Variants in VILL observed in about 807,000 individuals in gnomAD.
The protein encoded by VILL is villin-like protein.
A neutral mutation model predicts 106.3 loss-of-function variants in VILL; 102 were observed. The ratio of observed to expected loss-of-function variants is 0.96; its 90% confidence interval spans 0.82 to 1.13. The LOEUF (loss-of-function observed/expected upper bound fraction) is 1.13. Among genes scored for constraint, VILL ranks in the 50% most tolerant of loss-of-function variants. VILL has a pLI of 0.00. For missense variants in VILL, 1,076 were observed against 1,116.6 expected, an observed-to-expected ratio of 0.96 and a Z score of 0.52; for synonymous variants, 431 against 440.3, an observed-to-expected ratio of 0.98 and a Z score of 0.27.
rs1187763932 is a variant in VILL, at chr3:38,006,719, C to A, written c.2457+19C>A. On this transcript the variant is annotated intron_variant, in intron 19 of 19. Coordinates refer to ENST00000383759, the MANE Select transcript of VILL (RefSeq NM_015873.4). ...CAGGGAGGTGGGCACCCCCTCACTG[C>A]CCCAGCACTAGTGCATCTGACACTG... 6.3e-7 allele frequency: 1 copy of A among 1,589,106 alleles called. No individual in the cohort carries two copies. Among genetic ancestry groups the A allele is most frequent in the Non-Finnish European group, 8.6e-7 (1 of 1,165,778 alleles).
Position 38,003,739 on chromosome 3 carries a change from G to T in VILL, c.1805+426G>T, listed in dbSNP as rs149386516. On this transcript the variant is annotated intron_variant, in intron 15 of 19. Coordinates refer to ENST00000383759, the MANE Select transcript of VILL (RefSeq NM_015873.4). The stretch of plus-strand genomic sequence containing the variant: ...GTTGTGTGTGGTGTGTAAGTGGACA[G>T]GGTGTGTGTAGGAGGTAGGAGTGAG... The T allele has an allele frequency of 2.9e-3, 611 of 211,316 alleles. 4 individuals carry two copies. The highest frequency in any genetic ancestry group is 0.013 in the African/African-American group (584 of 43,710). 13.1% of individuals were successfully genotyped at this position (211,316 alleles called of 1,614,324 possible).
chr3:38,001,666 C>G, intron 12 of VILL, 36 bp from the exon 13 acceptor site: 1 of 1,613,500 alleles, frequency 6.2e-7, no homozygotes, highest in Non-Finnish European at 8.5e-7. Flanking sequence ...AATGTGAGAG[C>G]TGGGCCAGGC....
At chr3:38,004,758 A>G (rs1326929394) in intron 16 of VILL, among the ~76,000 whole-genome samples, 1 of 152,192 alleles carries the variant, frequency 6.6e-6, no homozygotes, top group African/African-American at 2.4e-5. Context: ...GGAATGCCCA[A>G]TCGCATCATT....
chr3:38,003,928 C>G (rs1014359551), intron 15 of VILL: 3 of 260,334 alleles, frequency 1.2e-5, no homozygotes, highest in Non-Finnish European at 2.2e-5. Flanking sequence ...CTACTCTCTG[C>G]CAGGGGTGGG....
Position 37,999,050 on chromosome 3 carries a change from G to C in VILL, c.1081G>C (p.Asp361His). 1 of 1,550,598 alleles carries C rather than the reference G, an allele frequency of 6.4e-7. No individual in the cohort carries two copies. The highest frequency in any genetic ancestry group is 2.4e-5 in the East Asian group (1 of 41,486). Residue 361 changes from aspartate (D) to histidine (H), a missense_variant and splice_region_variant, in exon 10 of 20, where the codon GAT becomes CAT. Coordinates refer to ENST00000383759, the MANE Select transcript of VILL (RefSeq NM_015873.4). ...CAGGAACCAGAAGCTCGGCGGGAGG[G>C]GTGAGCGGGCGGGGCGGGGCTGACG... Reference protein sequence around the residue: ...RRRNQKLGGRDKSIHVKLDVG... With the variant: ...RRRNQKLGGRHKSIHVKLDVG...
intron 5 of VILL, 93 bp from the exon 6 acceptor site, chr3:37,996,984 A>G (rs1407043785): frequency 5.4e-6 from 6 of 1,105,430 alleles, no homozygotes; most frequent in African/African-American, 3.1e-5. Flanking sequence ...CAGTTTGCAT[A>G]CAGCTTCATG....
Position 37,999,980 on chromosome 3 carries a change from G to A in VILL, c.1182+541G>A, listed in dbSNP as rs147533274. ...GTCTCAGCCCAGTGTCCTGCGAGAC[G>A]CAGGGGTTGAGGGCTACTTCCAGGC... On this transcript the variant is annotated intron_variant, in intron 11 of 19. Coordinates refer to ENST00000383759, the MANE Select transcript of VILL (RefSeq NM_015873.4). 2.3e-3 allele frequency among the ~76,000 whole-genome samples: 349 copies of A among 152,366 alleles called. 1 individual carries two copies. Among genetic ancestry groups the A allele is most frequent in the African/African-American group, 7.5e-3 (312 of 41,592 alleles).
chr3:37,999,250 C>G lies in VILL; in HGVS notation c.1082-89C>G, dbSNP rs974659426. 1.0e-5 allele frequency: 11 copies of G among 1,089,606 alleles called. No individual in the cohort carries two copies. The African/African-American group carries it at 2.1e-4, about 21-fold the overall frequency. 67.5% of individuals were successfully genotyped at this position (1,089,606 alleles called of 1,614,324 possible). ...CGGAGGACGCGGCGGGACCTGGAAT[C>G]TTGGAGGGATGGTTGAGGAGTGGGC... On this transcript the variant is annotated intron_variant, in intron 10 of 19. Transcript: ENST00000383759.
intron 11 of VILL, chr3:38,000,961 G>T: frequency 2.2e-6 from 1 of 457,344 alleles, no homozygotes; most frequent in South Asian, 1.5e-5. Flanking sequence ...CTGGCTCCAG[G>T]CTCTGCCACC....
Position 37,998,844 on chromosome 3 carries a change from G to A in VILL, c.943-68G>A. On this transcript the variant is annotated intron_variant, in intron 9 of 19. Transcript: ENST00000383759. This position sits in a 1 kb window ranked among gnomAD's most constrained non-coding sequence, Gnocchi z 4.1. Reference sequence around the variant, plus strand: ...GAGCTCGGCTGTCCCAGAGCGGTAGGTCCCCAGGAGCGGCAGTGGGGCAGT... The same window carrying A: ...GAGCTCGGCTGTCCCAGAGCGGTAGATCCCCAGGAGCGGCAGTGGGGCAGT... The A allele has an allele frequency of 6.5e-7, 1 of 1,539,682 alleles. No individual in the cohort carries two copies. Among genetic ancestry groups the A allele is most frequent in the East Asian group, 2.4e-5 (1 of 41,684 alleles).
rs989285585 is a variant in VILL at position 38,007,108 on chromosome 3, G to A, written c.*53G>A. The A allele has an allele frequency of 6.9e-7, 1 of 1,458,990 alleles. No individual in the cohort carries two copies. Among genetic ancestry groups the A allele is most frequent in the Non-Finnish European group, 9.6e-7 (1 of 1,045,760 alleles). The allele number at this position is 1,458,990 out of a possible 1,614,324, so 90.4% of individuals were successfully genotyped here. The stretch of plus-strand genomic sequence containing the variant: ...CCCTGGACCCCAACATACCTACAAT[G>A]CTGGGGAGGCCCTGCTTCCACTCCC... On this transcript the variant is annotated 3_prime_UTR_variant, in exon 20 of 20. Coordinates refer to ENST00000383759, the MANE Select transcript of VILL (RefSeq NM_015873.4).
chr3:37,991,462 A>C (rs1289490475), intron 1 of VILL, among the ~76,000 whole-genome samples: 2 of 151,088 alleles, frequency 1.3e-5, no homozygotes, highest in African/African-American at 4.9e-5. Context: ...GGGGAGGAAA[A>C]ATGGGAGAAA....
At position 38,003,186 on chromosome 3, in the gene VILL, C is replaced by T. The variant is rs760589627; in HGVS notation, c.1678C>T (p.Arg560Cys). The T allele has an allele frequency of 5.7e-5, 92 of 1,613,830 alleles. No homozygotes were observed. The highest frequency in any genetic ancestry group is 4.9e-4 in the South Asian group (45 of 91,070). The change falls in exon 15 of 20, where the codon CGT becomes TGT. Residue 560 changes from arginine (R) to cysteine (C), a missense_variant. Physicochemically the swap from Arg to Cys is radical, Grantham distance 180. Coordinates refer to ENST00000383759, the MANE Select transcript of VILL (RefSeq NM_015873.4). ...WFGKGCNGDQREMARVVVTVI... is the reference protein window; with the variant it reads ...WFGKGCNGDQCEMARVVVTVI... ...CTGCTAGGGCTGTAATGGTGATCAG[C>T]GTGAGATGGCACGGGTGGTGGTCAC... is the stretch of plus-strand genomic sequence containing the variant.
intron 1 of VILL, among the ~76,000 whole-genome samples, chr3:37,991,329 G>A (rs566635056): frequency 1.3e-5 from 2 of 151,578 alleles, no homozygotes; most frequent in African/African-American, 2.4e-5. Flanking sequence ...AAGCGGGTAG[G>A]GAGTGCCCCG....
chr3:37,994,877 G>GT lies in VILL; in HGVS notation c.341+415dup, dbSNP rs1402013571. On this transcript the variant is annotated intron_variant, in intron 4 of 19. Transcript: ENST00000383759. ...TGGTCTTCCCTGACGGGATCTTTTT[G>GT]TTTTAACACACTGTTTTCATGGTTT... Among the ~76,000 whole-genome samples the GT allele has an allele frequency of 2.6e-5, 4 of 152,188 alleles. No individual in the cohort carries two copies. The East Asian group carries it at 7.7e-4, about 29-fold the overall frequency.
At chr3:37,994,769 C>G (rs190234530) in intron 4 of VILL, among the ~76,000 whole-genome samples, 1 of 152,246 alleles carries the variant, frequency 6.6e-6, no homozygotes, top group Non-Finnish European at 1.5e-5. Context: ...ACCCCCATCC[C>G]CTGCCCTAGG....
chr3:37,995,592 T>C (rs939129777), intron 4 of VILL, 147 bp from the exon 5 acceptor site: 2 of 629,406 alleles, frequency 3.2e-6, no homozygotes, highest in African/African-American at 3.6e-5. Flanking sequence ...CATGTACTTA[T>C]ACATACATGT....
intron 3 of VILL, 45 bp downstream of exon 3, chr3:37,994,017 G>A (rs7648182): frequency 0.18 from 297,101 of 1,606,950 alleles, 30,631 homozygotes; most frequent in African/African-American, 0.41. Context: ...GGCATGGCCC[G>A]GCACTGGGGA....
chr3:37,995,211 CTA>C (rs1699679167), intron 4 of VILL, among the ~76,000 whole-genome samples: 1 of 152,212 alleles, frequency 6.6e-6, no homozygotes, highest in Non-Finnish European at 1.5e-5. Context: ...TAAATTAACA[CTA>C]GCAATATATT....
Sources: allele counts gnomAD v4.1 joint callset (sites outside exome capture counted in the v4.1 genomes callset), GRCh38; gene constraint gnomAD v4.1.1; non-coding constraint Gnocchi (gnomAD v3.1); transcripts MANE v1.5; gene names NCBI Gene and HGNC (gene_info 2026-07-23, HGNC 2026-07-21).